Variants in PAM observed in about 807,000 individuals in gnomAD.
The protein encoded by PAM is peptidyl-glycine alpha-amidating monooxygenase.
A neutral mutation model predicts 122.1 loss-of-function variants in PAM; 72 were observed. The observed-to-expected ratio is 0.59, with a 90% confidence interval of 0.49 to 0.72. The LOEUF is 0.72. Ranked by LOEUF, PAM falls within the 30% of genes least tolerant of loss-of-function variation. PAM has a pLI of 0.00. For synonymous variants in PAM, 389 were observed against 404.4 expected (o/e 0.96, Z 0.46); for missense variants, 1,106 against 1,183.7 (o/e 0.93, Z 0.96).
At chr5:102,808,983 A>G (rs1020843601) in intron 1 of PAM, among the ~76,000 whole-genome samples, 34 of 152,238 alleles carry the variant, frequency 2.2e-4, no homozygotes, top group South Asian at 1.2e-3. Context: ...AGAACCACTT[A>G]TAACATTCAG....
intron 1 of PAM, among the ~76,000 whole-genome samples, chr5:102,835,255 A>T (rs1253007437): frequency 6.6e-6 from 1 of 152,136 alleles, no homozygotes; most frequent in East Asian, 1.9e-4. Flanking sequence ...TCATGTAGTG[A>T]TCCCTTCTCT....
At chr5:102,834,784 T>G (rs1224044975) in intron 1 of PAM, among the ~76,000 whole-genome samples, 1 of 151,808 alleles carries the variant, frequency 6.6e-6, no homozygotes, top group Admixed American at 6.6e-5. Context: ...AGGGAAGAGA[T>G]CCCTGGGATG....
chr5:102,773,739 AT>A (rs1297893560), intron 1 of PAM, among the ~76,000 whole-genome samples: 1 of 151,924 alleles, frequency 6.6e-6, no homozygotes, highest in African/African-American at 2.4e-5. Flanking sequence ...ATTAACTTTT[AT>A]TTTAGGTTCT....
Position 102,941,376 on chromosome 5 carries a change from C to G in PAM, c.527-5461C>G, listed in dbSNP as rs527917080. On this transcript the variant is annotated intron_variant, in intron 7 of 25. Coordinates refer to ENST00000438793, the MANE Select transcript of PAM (RefSeq NM_001177306.2). ...AAAATCAAAAGAGGCTAACTCAATG[C>G]AGTGACAGCTTCAAAAGGAATTGTT... 2.2e-3 allele frequency among the ~76,000 whole-genome samples: 342 copies of G among 152,354 alleles called. 1 individual carries two copies. Among genetic ancestry groups the G allele is most frequent in the Middle Eastern group, 6.8e-3 (2 of 294 alleles).
intron 1 of PAM, among the ~76,000 whole-genome samples, chr5:102,774,162 T>C (rs1438780082): frequency 6.6e-6 from 1 of 152,142 alleles, no homozygotes; most frequent in African/African-American, 2.4e-5. Context: ...TGAATAGCGC[T>C]GCAGTGAACG....
At chr5:102,840,558 A>G (rs1455349231) in intron 1 of PAM, among the ~76,000 whole-genome samples, 2 of 152,238 alleles carry the variant, frequency 1.3e-5, no homozygotes, top group African/African-American at 4.8e-5. Flanking sequence ...GTTTAGCTGC[A>G]TAGAACAAAA....
chr5:103,003,099 T>G lies in PAM; in HGVS notation c.1680T>G (p.Leu560=). 1.2e-6 allele frequency: 2 copies of G among 1,606,990 alleles called. No homozygotes were observed. Among genetic ancestry groups the G allele is most frequent in the Non-Finnish European group, 1.7e-6 (2 of 1,173,578 alleles). Residue 560 remains leucine, a synonymous_variant, in exon 17 of 26, where the codon CTT becomes CTG. Transcript: ENST00000438793. ...GLGPIEEDTI[L]VIDPNNAAVL... is the part of the protein sequence containing the mutation. Reference sequence around the variant, plus strand: ...GACCAATTGAAGAAGACACTATTCTTGTCATAGATCCAAATAATGCTGCAG... The same window carrying G: ...GACCAATTGAAGAAGACACTATTCTGGTCATAGATCCAAATAATGCTGCAG...
At chr5:102,894,791 G>A (rs955166805) in intron 3 of PAM, among the ~76,000 whole-genome samples, 2 of 151,772 alleles carry the variant, frequency 1.3e-5, no homozygotes, top group South Asian at 4.1e-4. Context: ...AGAAATCCAG[G>A]AGTTATTCTC....
At chr5:102,831,109 G>A (rs906480858) in intron 1 of PAM, among the ~76,000 whole-genome samples, 13 of 152,160 alleles carry the variant, frequency 8.5e-5, no homozygotes, top group Admixed American at 3.9e-4. Flanking sequence ...TCAAAGTCAC[G>A]TAGCTAGTTT....
intron 1 of PAM, among the ~76,000 whole-genome samples, chr5:102,765,786 C>T (rs1753739085): frequency 6.6e-6 from 1 of 152,164 alleles, no homozygotes; most frequent in Non-Finnish European, 1.5e-5. Context: ...TTCACATCAT[C>T]TTTCCTGTCT....
chr5:103,004,868 T>TA (rs1320002412), intron 17 of PAM, among the ~76,000 whole-genome samples: 4 of 152,222 alleles, frequency 2.6e-5, no homozygotes, highest in African/African-American at 9.6e-5. Context: ...TTTAAACTGA[T>TA]ACTGTTTTCT....
At chr5:102,833,225 T>C (rs1775950830) in intron 1 of PAM, among the ~76,000 whole-genome samples, 1 of 152,092 alleles carries the variant, frequency 6.6e-6, no homozygotes, top group East Asian at 1.9e-4. Flanking sequence ...CTTCTATTGG[T>C]TGGGGAAATT....
intron 1 of PAM, among the ~76,000 whole-genome samples, chr5:102,837,260 A>T (rs780976117): frequency 5.9e-5 from 9 of 152,074 alleles, no homozygotes; most frequent in Non-Finnish European, 1.2e-4. Flanking sequence ...ACCACACAAC[A>T]TGTTTTATTT....
chr5:102,871,253 A>T (rs1318588836), intron 3 of PAM, among the ~76,000 whole-genome samples: 1 of 152,198 alleles, frequency 6.6e-6, no homozygotes, highest in East Asian at 1.9e-4. Flanking sequence ...AGACTGAGTG[A>T]CATAATGTTC....
intron 3 of PAM, among the ~76,000 whole-genome samples, chr5:102,892,744 T>A (rs1446627055): frequency 1.3e-5 from 2 of 151,860 alleles, no homozygotes; most frequent in Non-Finnish European, 2.9e-5. Context: ...TACATTTATT[T>A]GAGTTTTACA....
chr5:102,966,257 T>C (rs574269641), intron 14 of PAM, among the ~76,000 whole-genome samples: 218 of 152,234 alleles, frequency 1.4e-3, no homozygotes, highest in Non-Finnish European at 2.7e-3. Flanking sequence ...TCTGGGAAGC[T>C]GACTGAATGC....
At chr5:102,925,341 A>G (rs762973797) in intron 6 of PAM, among the ~76,000 whole-genome samples, 3 of 152,238 alleles carry the variant, frequency 2.0e-5, no homozygotes, top group African/African-American at 4.8e-5. Context: ...CAGCAGACAC[A>G]TTTCATGAGC....
intron 1 of PAM, among the ~76,000 whole-genome samples, chr5:102,841,566 T>G (rs1323495154): frequency 6.6e-6 from 1 of 152,176 alleles, no homozygotes; most frequent in Non-Finnish European, 1.5e-5. Flanking sequence ...GGCATTAATT[T>G]TAATGCTTCA....
intron 1 of PAM, among the ~76,000 whole-genome samples, chr5:102,849,007 C>T (rs567577242): frequency 1.4e-4 from 22 of 152,154 alleles, no homozygotes; most frequent in Admixed American, 5.9e-4. Flanking sequence ...AAGGAGAAAA[C>T]TTTAAAAGCC....
Sources: gnomAD v4.1 joint callset for allele counts (sites outside exome capture counted in the v4.1 genomes callset) on GRCh38, gnomAD v4.1.1 for gene constraint, MANE v1.5 for transcripts, NCBI Gene and HGNC (gene_info 2026-07-23, HGNC 2026-07-21) for gene names.